The following CEP83 variants were observed in gnomAD, a reference collection of about 807,000 sequenced individuals.
CEP83 encodes centrosomal protein 83.
CEP83 carries 70 observed loss-of-function variants against 101.9 expected under a neutral mutation model. That is an observed-to-expected ratio of 0.69 (90% CI 0.57 to 0.84). The LOEUF (loss-of-function observed/expected upper bound fraction) is 0.84, where lower values mean the gene tolerates loss of function less well. Among genes scored for constraint, CEP83 ranks in the 40% least tolerant of loss-of-function variants. The pLI is 0.00. For missense variants in CEP83, 715 were observed against 787.2 expected (o/e 0.91, Z 1.10); for synonymous variants, 264 against 267.9 (o/e 0.99, Z 0.14).
intron 14 of CEP83, among the ~76,000 whole-genome samples, chr12:94,322,100 A>C (rs967317523): frequency 2.0e-5 from 3 of 152,018 alleles, no homozygotes; most frequent in Non-Finnish European, 2.9e-5. Context: ...GTGGCTAGAG[A>C]CCTCGGTTGG....
chr12:94,331,127 C>T (rs1312854790), intron 14 of CEP83, among the ~76,000 whole-genome samples: 2 of 151,446 alleles, frequency 1.3e-5, no homozygotes, highest in African/African-American at 4.9e-5. Flanking sequence ...CCTGTCTCTA[C>T]TAAAAATACA....
chr12:94,449,779 TAAAAAAAAAAAAAA>T lies in CEP83; in HGVS notation c.-155+9764_-155+9777del, dbSNP rs71071787. On this transcript the variant is annotated intron_variant, in intron 1 of 16. Coordinates refer to ENST00000397809, the MANE Select transcript of CEP83 (RefSeq NM_016122.3). ...CAGAGCAAGAGTCTGTCTCAAACAA[TAAAAAAAAAAAAAA>T]AAAAAAAAAAAAAAAGATTTTACAG... 3.9e-4 allele frequency among the ~76,000 whole-genome samples: 19 copies of T among 48,562 alleles called. No homozygotes were observed. In the South Asian group the frequency reaches 4.8e-3, roughly 12 times the overall value. 31.9% of individuals were successfully genotyped at this position (48,562 alleles called of 152,430 possible). A position where few individuals can be genotyped will look rare whatever the true frequency, so the allele number is the denominator to read the frequency against.
chr12:94,455,891 CA>C (rs944180103), intron 1 of CEP83, among the ~76,000 whole-genome samples: 4 of 149,996 alleles, frequency 2.7e-5, no homozygotes, highest in African/African-American at 7.3e-5. Context: ...ATTCAAAATA[CA>C]AAAAAAAAGC....
rs2061803581 is a variant in CEP83, at chr12:94,380,734, C to A, written c.550-1692G>T. On this transcript the variant is annotated intron_variant, in intron 6 of 16. Transcript: ENST00000397809. ...CTGAGTACTTACTATGGATCAAATA[C>A]TGAGCTAAGTGCTCTACATGTAAAA... is the stretch of plus-strand genomic sequence containing the variant. 3.9e-5 allele frequency among the ~76,000 whole-genome samples: 6 copies of A among 152,266 alleles called. No homozygotes were observed. The South Asian group carries it at 1.2e-3, about 32-fold the overall frequency.
chr12:94,409,248 T>C (rs2063733675), intron 4 of CEP83, among the ~76,000 whole-genome samples: 1 of 152,074 alleles, frequency 6.6e-6, no homozygotes, highest in Non-Finnish European at 1.5e-5. Flanking sequence ...CTTTAGCTTA[T>C]TTTTGCCAAA....
intron 2 of CEP83, among the ~76,000 whole-genome samples, chr12:94,426,492 G>A (rs1044712646): frequency 1.3e-5 from 2 of 152,128 alleles, no homozygotes; most frequent in African/African-American, 4.8e-5. Context: ...CACATATTAA[G>A]AGCTCAAAAA....
chr12:94,265,859 A>G, the CEP83 span, among the ~76,000 whole-genome samples: 1 of 151,678 alleles, frequency 6.6e-6, no homozygotes, highest in Non-Finnish European at 1.5e-5. Flanking sequence ...CACCCACCCC[A>G]TGCTCTTCCT....
At chr12:94,390,783 A>G (rs887004332) in intron 6 of CEP83, among the ~76,000 whole-genome samples, 2 of 152,220 alleles carry the variant, frequency 1.3e-5, no homozygotes, top group African/African-American at 2.4e-5. Flanking sequence ...AAGACCTTCA[A>G]TGACCTGATG....
chr12:94,408,726 C>T (rs2063701326), intron 4 of CEP83, among the ~76,000 whole-genome samples: 1 of 152,100 alleles, frequency 6.6e-6, no homozygotes, highest in South Asian at 2.1e-4. Flanking sequence ...ACTACAGGTG[C>T]ATGCCACTAT....
chr12:94,451,063 T>G (rs1215276095), intron 1 of CEP83, among the ~76,000 whole-genome samples: 2 of 152,224 alleles, frequency 1.3e-5, no homozygotes, highest in South Asian at 2.1e-4. Context: ...CCAATACAAT[T>G]GAAGGGAAAA....
At chr12:94,431,935 A>G (rs1317446034) in intron 2 of CEP83, among the ~76,000 whole-genome samples, 1 of 152,228 alleles carries the variant, frequency 6.6e-6, no homozygotes, top group East Asian at 1.9e-4. Context: ...ACAATGGGGT[A>G]TTTATTCAAA....
chr12:94,385,846 T>C (rs2062114662), intron 6 of CEP83, among the ~76,000 whole-genome samples: 1 of 152,224 alleles, frequency 6.6e-6, no homozygotes, highest in African/African-American at 2.4e-5. Flanking sequence ...CCCATGAGTA[T>C]AATATTGTAT....
chr12:94,331,725 T>C lies in CEP83; in HGVS notation c.1682A>G (p.Gln561Arg). ...EKYNQAKEKLQRAAIAQKKRK... is the reference protein window; with the variant it reads ...EKYNQAKEKLRRAAIAQKKRK... ...CTTTTTCTGGGCAATTGCAGCTCGC[T>C]GCAGTTTCTCCTTAGCTTGATTGTA... is the stretch of plus-strand genomic sequence containing the variant. The change falls in exon 14 of 17, where the codon CAG (glutamine) becomes CGG (arginine). Residue 561 changes from glutamine to arginine, a missense_variant. Physicochemically the swap from Gln to Arg is conservative, Grantham distance 43. Coordinates refer to ENST00000397809, the MANE Select transcript of CEP83 (RefSeq NM_016122.3). 1.2e-6 allele frequency: 2 copies of C among 1,614,062 alleles called. No homozygotes were observed. The highest frequency in any genetic ancestry group is 1.7e-6 in the Non-Finnish European group (2 of 1,179,992).
chr12:94,436,826 C>CA (rs755179387), intron 1 of CEP83, among the ~76,000 whole-genome samples: 1,657 of 66,886 alleles, frequency 0.025, 20 homozygotes, highest in East Asian at 0.098. Flanking sequence ...GACTCCATCT[C>CA]AAAAAAAAAA....
At chr12:94,281,335 C>CTT in the CEP83 span, among the ~76,000 whole-genome samples, 2 of 152,090 alleles carry the variant, frequency 1.3e-5, no homozygotes, top group African/African-American at 4.8e-5. Flanking sequence ...AGCAGCTATG[C>CTT]TTGGAGCTCT....
At chr12:94,352,222 C>A (rs574266672) in intron 11 of CEP83, among the ~76,000 whole-genome samples, 9 of 152,100 alleles carry the variant, frequency 5.9e-5, no homozygotes, top group African/African-American at 2.2e-4. Flanking sequence ...AGTTTGAGAA[C>A]AGCCTGGCCA....
intron 1 of CEP83, among the ~76,000 whole-genome samples, chr12:94,442,126 T>C (rs2066457982): frequency 6.6e-6 from 1 of 151,148 alleles, no homozygotes; most frequent in Admixed American, 6.6e-5. Flanking sequence ...GTGGTAGGTA[T>C]ATATATATAT....
At chr12:94,297,767 C>A in the CEP83 span, among the ~76,000 whole-genome samples, 1 of 152,134 alleles carries the variant, frequency 6.6e-6, no homozygotes, top group Non-Finnish European at 1.5e-5. Context: ...ATAAAACTCC[C>A]TTTTTGAATT....
At chr12:94,347,082 CACACACACACAT>C (rs2059974360) in intron 11 of CEP83, among the ~76,000 whole-genome samples, 2 of 139,230 alleles carry the variant, frequency 1.4e-5, no homozygotes, top group African/African-American at 2.6e-5. Context: ...CATACACACA[CACACACACACAT>C]ACACACACAC....
Sources: allele counts gnomAD v4.1 joint callset (sites outside exome capture counted in the v4.1 genomes callset), GRCh38; gene constraint gnomAD v4.1.1; transcripts MANE v1.5; gene names NCBI Gene and HGNC (gene_info 2026-07-23, HGNC 2026-07-21).